The following TMPRSS11A variants were observed in gnomAD, a reference collection of about 807,000 sequenced individuals.
TMPRSS11A encodes the protein transmembrane protease serine 11A.
Under a neutral mutation model 58.9 loss-of-function variants are expected in TMPRSS11A, and 53 were observed. That is an observed-to-expected ratio of 0.90 (90% CI 0.72 to 1.13). The LOEUF is 1.13. Among genes scored for constraint, TMPRSS11A ranks in the 50% most tolerant of loss-of-function variants. TMPRSS11A has a pLI of 0.00. For missense variants in TMPRSS11A, 493 were observed against 499.3 expected, an observed-to-expected ratio of 0.99 and a Z score of 0.12; for synonymous variants, 167 against 169.8, an observed-to-expected ratio of 0.98 and a Z score of 0.13.
intron 1 of TMPRSS11A, among the ~76,000 whole-genome samples, chr4:67,947,793 A>G (rs994613583): frequency 2.0e-5 from 3 of 152,216 alleles, no homozygotes; most frequent in Admixed American, 2.0e-4. Flanking sequence ...AATGGGCTGC[A>G]TTAGCCTTGT....
chr4:67,953,358 T>A (rs186801216), intron 1 of TMPRSS11A, among the ~76,000 whole-genome samples: 134 of 152,296 alleles, frequency 8.8e-4, no homozygotes, highest in Non-Finnish European at 1.4e-3. Flanking sequence ...TAGTTTTTTT[T>A]AATATATCTG....
chr4:67,938,424 A>G (rs1001330136), intron 3 of TMPRSS11A, among the ~76,000 whole-genome samples: 1 of 152,078 alleles, frequency 6.6e-6, no homozygotes, highest in Admixed American at 6.5e-5. Context: ...GGTCCAACTT[A>G]TCAATTTTTG....
chr4:67,946,515 A>G lies in TMPRSS11A; in HGVS notation c.68T>C (p.Leu23Pro). Residue 23 changes from leucine to proline, a missense_variant, in exon 2 of 10, where the codon CTC (leucine) becomes CCC (proline). Coordinates refer to ENST00000508048, the MANE Select transcript of TMPRSS11A (RefSeq NM_001114387.2). ...CACCACTGTCAGGGACAACACAATG[A>G]GAACGGCAATCATCCATGGCTTCAG... ...RNLKPWMIAV[L>P]IVLSLTVVAV... 6.2e-7 allele frequency: 1 copy of G among 1,612,912 alleles called. No homozygotes were observed. The highest frequency in any genetic ancestry group is 1.3e-5 in the African/African-American group (1 of 74,964).
chr4:67,940,137 G>C (rs1720846067), intron 3 of TMPRSS11A, among the ~76,000 whole-genome samples: 1 of 152,088 alleles, frequency 6.6e-6, no homozygotes, highest in Non-Finnish European at 1.5e-5. Flanking sequence ...TTGGTTTGCT[G>C]GTATTTGGTT....
intron 7 of TMPRSS11A, among the ~76,000 whole-genome samples, chr4:67,922,114 G>A (rs1720346064): frequency 6.6e-6 from 1 of 152,190 alleles, no homozygotes; most frequent in South Asian, 2.1e-4. Flanking sequence ...GTGAAGAGAT[G>A]CTCTATTATG....
At chr4:67,936,837 T>TAAAGAAA (rs1720767133) in intron 3 of TMPRSS11A, among the ~76,000 whole-genome samples, 1 of 152,240 alleles carries the variant, frequency 6.6e-6, no homozygotes, top group Non-Finnish European at 1.5e-5. Flanking sequence ...AAAAAAGTAT[T>TAAAGAAA]AATTCTCAGT....
chr4:67,924,256 T>G, intron 5 of TMPRSS11A, 90 bp from the exon 6 acceptor site: 1 of 1,057,810 alleles, frequency 9.5e-7, no homozygotes, highest in Non-Finnish European at 1.5e-6. Context: ...ACTGACCATA[T>G]ATGGATTCTA....
intron 5 of TMPRSS11A, among the ~76,000 whole-genome samples, chr4:67,928,090 G>C (rs984963612): frequency 2.0e-5 from 3 of 152,234 alleles, no homozygotes; most frequent in East Asian, 3.9e-4. Flanking sequence ...TCAAGCCCAG[G>C]CTTGAGTGCA....
intron 5 of TMPRSS11A, among the ~76,000 whole-genome samples, chr4:67,925,638 T>G (rs1720447639): frequency 6.6e-6 from 1 of 152,216 alleles, no homozygotes; most frequent in African/African-American, 2.4e-5. Flanking sequence ...CGATTGCTGT[T>G]AGTGGTTATT....
intron 3 of TMPRSS11A, among the ~76,000 whole-genome samples, chr4:67,938,048 G>A (rs188699556): frequency 1.3e-5 from 2 of 152,136 alleles, no homozygotes; most frequent in African/African-American, 4.8e-5. Context: ...TCTTTCCTCC[G>A]CAGTCTCATC....
chr4:67,919,324 C>T (rs80249774), intron 7 of TMPRSS11A, 92 bp from the exon 8 acceptor site: 21,273 of 1,172,654 alleles, frequency 0.018, 256 homozygotes, highest in South Asian at 0.026. Flanking sequence ...AAGAGAAATA[C>T]AATCCTGAGA....
At chr4:67,932,133 T>A (rs534724742) in intron 3 of TMPRSS11A, 73 bp from the exon 4 acceptor site, 3 of 870,362 alleles carry the variant, frequency 3.4e-6, no homozygotes, top group Non-Finnish European at 5.2e-6. Flanking sequence ...TGATTAAATG[T>A]TAAAGCAATC....
intron 3 of TMPRSS11A, among the ~76,000 whole-genome samples, chr4:67,940,179 A>G (rs991581440): frequency 1.3e-5 from 2 of 152,266 alleles, no homozygotes; most frequent in Admixed American, 6.5e-5. Flanking sequence ...CATCAGGGAT[A>G]TTGGCCTGTA....
chr4:67,918,226 A>T (rs1720213836), intron 8 of TMPRSS11A, among the ~76,000 whole-genome samples: 1 of 152,224 alleles, frequency 6.6e-6, no homozygotes, highest in Non-Finnish European at 1.5e-5. Flanking sequence ...TTTGTTATAC[A>T]TATGTACCTG....
chr4:67,930,065 A>G (rs371321196), intron 4 of TMPRSS11A, 25 bp from the exon 5 acceptor site: 1 of 1,590,908 alleles, frequency 6.3e-7, no homozygotes, highest in Non-Finnish European at 8.6e-7. Flanking sequence ...AGAAAGGTAC[A>G]TTTTCAAAGA....
chr4:67,963,333 T>C, intron 1 of TMPRSS11A, 50 bp downstream of exon 1: 2 of 1,607,624 alleles, frequency 1.2e-6, no homozygotes, highest in Non-Finnish European at 1.7e-6. Context: ...ATCCGGCCAC[T>C]GACAGACAGT....
intron 1 of TMPRSS11A, among the ~76,000 whole-genome samples, chr4:67,954,170 C>A (rs1385254868): frequency 6.6e-6 from 1 of 152,006 alleles, no homozygotes; most frequent in Non-Finnish European, 1.5e-5. Flanking sequence ...CATCCTGGTC[C>A]CAGGGACAGA....
chr4:67,923,549 G>A (rs988185715), intron 6 of TMPRSS11A, among the ~76,000 whole-genome samples: 2 of 152,062 alleles, frequency 1.3e-5, no homozygotes, highest in Admixed American at 1.3e-4. Context: ...CTCTGTCGCT[G>A]AGGCTGGAGT....
chr4:67,931,786 A>C (rs546008068), intron 4 of TMPRSS11A, among the ~76,000 whole-genome samples: 41 of 152,294 alleles, frequency 2.7e-4, no homozygotes, highest in African/African-American at 9.9e-4. Context: ...AACTTTGAAC[A>C]TATTTCTTAC....
Sources: allele counts gnomAD v4.1 joint callset (sites outside exome capture counted in the v4.1 genomes callset), GRCh38; gene constraint gnomAD v4.1.1; transcripts MANE v1.5; gene names NCBI Gene and HGNC (gene_info 2026-07-23, HGNC 2026-07-21).